The following ARMH1 variants were observed in gnomAD, a reference collection of about 807,000 sequenced individuals.
ARMH1 encodes the protein armadillo like helical domain containing 1.
Under a neutral mutation model 50.2 loss-of-function variants are expected in ARMH1, and 34 were observed. That is an observed-to-expected ratio of 0.68 (90% CI 0.51 to 0.90). ARMH1 has a LOEUF of 0.90. ARMH1 is among the 40% of genes least tolerant of loss of function. The pLI is 0.00. For missense variants in ARMH1, 538 were observed against 553.9 expected (o/e 0.97, Z 0.29); for synonymous variants, 221 against 224.2 (o/e 0.99, Z 0.13).
intron 6 of ARMH1, among the ~76,000 whole-genome samples, chr1:44,722,930 C>T (rs1310519094): frequency 3.9e-4 from 58 of 150,070 alleles, no homozygotes; most frequent in African/African-American, 1.3e-3. Context: ...AAAAATTAGC[C>T]GGGTGTGGTG....
chr1:44,722,847 C>G (rs1467081880), intron 6 of ARMH1, among the ~76,000 whole-genome samples: 4 of 140,264 alleles, frequency 2.9e-5, no homozygotes, highest in Non-Finnish European at 6.0e-5. Flanking sequence ...ATCACGAGGT[C>G]AGAAGTTCAA....
In ARMH1 at chr1:44,724,745, T is replaced by TCGCC. The variant is rs1402303290; in HGVS notation, c.1051-13_1051-10dup. The TCGCC allele has an allele frequency of 1.4e-5, 22 of 1,523,382 alleles. No homozygotes were observed. In the East Asian group the frequency reaches 5.7e-4, roughly 39 times the overall value. The allele number at this position is 1,523,382 out of a possible 1,614,324, so 94.4% of individuals were successfully genotyped here. ...CCGTCGCCCCCGCAGTCACGCCGCCTCGCCCGCGCGGCGCAGTGCTTCGTG... is the reference window on the plus strand; with the variant it reads ...CCGTCGCCCCCGCAGTCACGCCGCCTCGCCCGCCCGCGCGGCGCAGTGCTTCGTG... On this transcript the variant is annotated splice_polypyrimidine_tract_variant and intron_variant, in intron 9 of 11. Coordinates refer to ENST00000535358, the MANE Select transcript of ARMH1 (RefSeq NM_001145636.2). The surrounding 1 kb of genome is among the most constrained non-coding windows in gnomAD (Gnocchi z 6.4).
intron 1 of ARMH1, among the ~76,000 whole-genome samples, chr1:44,687,476 A>C (rs1645510862): frequency 6.6e-6 from 1 of 152,256 alleles, no homozygotes; most frequent in Non-Finnish European, 1.5e-5. Flanking sequence ...AGGGGTAAAC[A>C]GCAGAAAAAA....
chr1:44,697,669 G>A (rs1231117494), intron 3 of ARMH1, among the ~76,000 whole-genome samples: 1 of 152,116 alleles, frequency 6.6e-6, no homozygotes, highest in Non-Finnish European at 1.5e-5. Context: ...GAAAGTCCCA[G>A]GCTTTGAGCC....
intron 6 of ARMH1, among the ~76,000 whole-genome samples, chr1:44,719,024 G>GA (rs1646969142): frequency 1.3e-5 from 1 of 78,722 alleles, no homozygotes; most frequent in African/African-American, 8.2e-5. Context: ...AAACTGTCTC[G>GA]GAAAAAAAAA....
chr1:44,702,724 AAAAAGAAAAG>A (rs1483763503), intron 5 of ARMH1, among the ~76,000 whole-genome samples: 1 of 151,438 alleles, frequency 6.6e-6, no homozygotes, highest in Non-Finnish European at 1.5e-5. Context: ...AAAAAAAAAA[AAAAAGAAAAG>A]AAAAGAAAAA....
intron 6 of ARMH1, among the ~76,000 whole-genome samples, chr1:44,716,595 C>G (rs1208940827): frequency 6.6e-6 from 1 of 152,136 alleles, no homozygotes; most frequent in Non-Finnish European, 1.5e-5. Flanking sequence ...TTTTTGCTTC[C>G]CACCTTCAAC....
intron 4 of ARMH1, 23 bp from the exon 5 acceptor site, chr1:44,700,900 C>T: frequency 6.6e-7 from 1 of 1,513,996 alleles, no homozygotes; most frequent in Non-Finnish European, 8.9e-7. Context: ...TCCAATTTAG[C>T]ATTTCCTCTC....
At chr1:44,721,690 C>G (rs1348849756) in intron 6 of ARMH1, 1 of 152,110 alleles carries the variant, frequency 6.6e-6, no homozygotes, top group African/African-American at 2.4e-5. Flanking sequence ...GACCACACCA[C>G]TCCGCTACAA....
Position 44,704,128 on chromosome 1 carries a change from G to A in ARMH1, c.679G>A (p.Val227Met), listed in dbSNP as rs368938511. 170 of 1,551,052 alleles carry A rather than the reference G, an allele frequency of 1.1e-4. No homozygotes were observed. The highest frequency in any genetic ancestry group is 8.2e-5 in the African/African-American group (6 of 72,966). Residue 227 changes from valine to methionine, a missense_variant, in exon 6 of 12, where the codon GTG becomes ATG. By Grantham distance (21) the Val-to-Met change is conservative (BLOSUM62 1). Transcript: ENST00000535358. ...GTTHPSIVDC[V>M]LKVLGTMHLE... ...CACACACCCCAGCATCGTGGACTGCGTGCTGAAGGTGCTGGGCACGATGCA... is the reference window on the plus strand; with the variant it reads ...CACACACCCCAGCATCGTGGACTGCATGCTGAAGGTGCTGGGCACGATGCA...
chr1:44,676,819 A>G (rs532028529), intron 1 of ARMH1, among the ~76,000 whole-genome samples: 1 of 152,338 alleles, frequency 6.6e-6, no homozygotes, highest in African/African-American at 2.4e-5. Flanking sequence ...AAAGAAGGCA[A>G]TATCCAGCAG....
At position 44,719,025 on chromosome 1, in the gene ARMH1, G is replaced by GGA. The variant is rs1553149910; in HGVS notation, c.725-5097_725-5096insGA. Reference sequence around the variant, plus strand: ...GGGCAACAAGAGTGAAACTGTCTCGGAAAAAAAAAAAAAAAAAAAAAAGGC... The same window carrying GGA: ...GGGCAACAAGAGTGAAACTGTCTCGGGAAAAAAAAAAAAAAAAAAAAAAAGGC... On this transcript the variant is annotated intron_variant, in intron 6 of 11. Transcript: ENST00000535358. Among the ~76,000 whole-genome samples the GGA allele has an allele frequency of 5.8e-3, 458 of 78,612 alleles. 8 individuals are homozygous for GGA. The Admixed American group carries it at 0.062, about 11-fold the overall frequency. The allele number at this position is 78,612 out of a possible 152,430, so 51.6% of individuals were successfully genotyped here.
Position 44,724,146 on chromosome 1 carries a change from T to G in ARMH1, c.749T>G (p.Val250Gly). 6.4e-7 allele frequency: 1 copy of G among 1,551,660 alleles called. No individual in the cohort carries two copies. The highest frequency in any genetic ancestry group is 1.2e-5 in the South Asian group (1 of 84,042). The change falls in exon 7 of 12, where the codon GTC (valine) becomes GGC (glycine). Residue 250 changes from valine (V) to glycine (G), a missense_variant. Transcript: ENST00000535358. The surrounding 1 kb of genome is among the most constrained non-coding windows in gnomAD (Gnocchi z 6.4). ...YEAIELIKDL[V>G]GYDVRQALLK... is the part of the protein sequence containing the mutation. ...GCCATCGAGTTGATCAAAGACCTGG[T>G]CGGTTACGATGTGCGCCAGGCGCTG...
At chr1:44,718,302 G>A (rs1646931753) in intron 6 of ARMH1, among the ~76,000 whole-genome samples, 1 of 152,208 alleles carries the variant, frequency 6.6e-6, no homozygotes, top group Non-Finnish European at 1.5e-5. Context: ...TACTAATGAG[G>A]GACGTGCTGC....
At chr1:44,709,500 A>G (rs144220917) in intron 6 of ARMH1, among the ~76,000 whole-genome samples, 6,653 of 151,874 alleles carry the variant, frequency 0.044, 415 homozygotes, top group African/African-American at 0.14. Flanking sequence ...GTGAAACCCC[A>G]TCTCTACTAA....
Position 44,724,470 on chromosome 1 carries a change from C to A in ARMH1, c.921-69C>A. On this transcript the variant is annotated intron_variant, in intron 8 of 11. Transcript: ENST00000535358. The surrounding 1 kb of genome is among the most constrained non-coding windows in gnomAD (Gnocchi z 6.4). ...CGGCGGGCCCCGGGAGCGCTCCGTG[C>A]GCCGGGTGGGCGGGGGTGTGCGCCG... 2 of 1,517,960 alleles carry A rather than the reference C, an allele frequency of 1.3e-6. No individual in the cohort carries two copies. Among genetic ancestry groups the A allele is most frequent in the South Asian group, 1.2e-5 (1 of 80,452 alleles). 94.0% of individuals were successfully genotyped at this position (1,517,960 alleles called of 1,614,324 possible). A position where few individuals can be genotyped will look rare whatever the true frequency, so the allele number is the denominator to read the frequency against.
chr1:44,695,526 C>T (rs1360825103), intron 2 of ARMH1, among the ~76,000 whole-genome samples: 2 of 133,622 alleles, frequency 1.5e-5, no homozygotes, highest in African/African-American at 3.1e-5. Flanking sequence ...TGGTGGCTCA[C>T]GCCAGTATCT....
At chr1:44,717,853 A>G (rs1646917017) in intron 6 of ARMH1, among the ~76,000 whole-genome samples, 1 of 152,218 alleles carries the variant, frequency 6.6e-6, no homozygotes, top group Admixed American at 6.5e-5. Context: ...CCTAGTAACT[A>G]GCACGATATA....
rs560558175 is a variant in ARMH1, at chr1:44,681,583, T to C, written c.-23+6710T>C. ...AAGGATACAAGGGAGGCAGGAGTAA[T>C]GAGTAGAATGAGGGCCCTGAGAAGG... On this transcript the variant is annotated intron_variant, in intron 1 of 11. Transcript: ENST00000535358. The surrounding 1 kb of genome is among the most constrained non-coding windows in gnomAD (Gnocchi z 4.3). 6.6e-6 allele frequency among the ~76,000 whole-genome samples: 1 copy of C among 151,974 alleles called. No individual in the cohort carries two copies. Among genetic ancestry groups the C allele is most frequent in the South Asian group, 2.1e-4 (1 of 4,810 alleles).
Sources: gnomAD v4.1 joint callset for allele counts (sites outside exome capture counted in the v4.1 genomes callset) on GRCh38, gnomAD v4.1.1 for gene constraint, Gnocchi (gnomAD v3.1) non-coding constraint, MANE v1.5 for transcripts, NCBI Gene and HGNC (gene_info 2026-07-23, HGNC 2026-07-21) for gene names.